FAF1: variants seen among roughly 807,000 people sequenced by gnomAD.
FAF1 encodes FAS-associated factor 1.
A neutral mutation model predicts 92.5 loss-of-function variants in FAF1; 25 were observed. That is an observed-to-expected ratio of 0.27 (90% confidence interval 0.20 to 0.38). The LOEUF is 0.38. FAF1 is among the 10% of genes least tolerant of loss of function. FAF1 has a pLI of 1.00. For synonymous variants in FAF1, 234 were observed against 273.2 expected (o/e 0.86, Z 1.42); for missense variants, 636 against 793.3 (o/e 0.80, Z 2.38).
chr1:50,941,313 G>A (rs1456797906), intron 1 of FAF1, among the ~76,000 whole-genome samples: 3 of 152,222 alleles, frequency 2.0e-5, no homozygotes, highest in East Asian at 3.9e-4. Flanking sequence ...GGGTTCAAGC[G>A]ATTCTCGTGT....
At chr1:50,728,198 G>C (rs1658742080) in intron 6 of FAF1, among the ~76,000 whole-genome samples, 1 of 152,046 alleles carries the variant, frequency 6.6e-6, no homozygotes. Flanking sequence ...TTTAGATAGG[G>C]GCATCAAGAA....
At chr1:50,947,124 C>T (rs1207761714) in intron 1 of FAF1, among the ~76,000 whole-genome samples, 1 of 152,226 alleles carries the variant, frequency 6.6e-6, no homozygotes, top group East Asian at 1.9e-4. Flanking sequence ...ACTGCTATTA[C>T]TCTTTCCCTA....
At chr1:50,496,076 A>G (rs1646894826) in intron 15 of FAF1, among the ~76,000 whole-genome samples, 2 of 152,248 alleles carry the variant, frequency 1.3e-5, no homozygotes, top group Admixed American at 1.3e-4. Context: ...GTAATTTATG[A>G]CACCCTCAGT....
chr1:50,718,303 C>T (rs1658272936), intron 6 of FAF1, among the ~76,000 whole-genome samples: 1 of 152,206 alleles, frequency 6.6e-6, no homozygotes, highest in Non-Finnish European at 1.5e-5. Flanking sequence ...GTTGGGATTA[C>T]AGGCATGAGG....
intron 1 of FAF1, among the ~76,000 whole-genome samples, chr1:50,934,683 C>T (rs1645072880): frequency 6.6e-6 from 1 of 152,296 alleles, no homozygotes; most frequent in African/African-American, 2.4e-5. Context: ...ATGTTCACAC[C>T]ACTGCACTCC....
chr1:50,942,051 T>C (rs1349703191), intron 1 of FAF1, among the ~76,000 whole-genome samples: 1 of 152,238 alleles, frequency 6.6e-6, no homozygotes, highest in East Asian at 1.9e-4. Flanking sequence ...CCCACCCTTG[T>C]TACTATCTGT....
chr1:50,572,363 C>T (rs1178886966), intron 12 of FAF1, among the ~76,000 whole-genome samples: 2 of 152,226 alleles, frequency 1.3e-5, no homozygotes, highest in East Asian at 1.9e-4. Context: ...TTATATCACA[C>T]CTAAGACATT....
At chr1:50,574,994 C>T (rs1403441150) in intron 12 of FAF1, among the ~76,000 whole-genome samples, 1 of 148,480 alleles carries the variant, frequency 6.7e-6, no homozygotes. Flanking sequence ...CTGCAAGCTC[C>T]GCCTCCTGGG....
intron 13 of FAF1, among the ~76,000 whole-genome samples, chr1:50,554,447 G>A (rs1649472732): frequency 7.0e-6 from 1 of 142,048 alleles, no homozygotes; most frequent in African/African-American, 2.7e-5. Flanking sequence ...ATAGTGTCTG[G>A]CACTATAATT....
chr1:50,757,659 T>C (rs1248385910), intron 4 of FAF1, among the ~76,000 whole-genome samples: 1 of 152,200 alleles, frequency 6.6e-6, no homozygotes. Context: ...GCAGGTTTCC[T>C]GTATATATCA....
intron 1 of FAF1, among the ~76,000 whole-genome samples, chr1:50,903,138 A>G (rs1401890731): frequency 6.6e-6 from 1 of 152,160 alleles, no homozygotes; most frequent in Non-Finnish European, 1.5e-5. Flanking sequence ...CCCAGTGCAC[A>G]ACACAGATAC....
chr1:50,602,832 T>C (rs10157906), intron 8 of FAF1, among the ~76,000 whole-genome samples: 4,668 of 152,220 alleles, frequency 0.031, 250 homozygotes, highest in African/African-American at 0.11. Flanking sequence ...TATATATACA[T>C]ACACCCATGA....
chr1:50,481,070 AAG>A (rs1342687968), intron 17 of FAF1, among the ~76,000 whole-genome samples: 1 of 152,206 alleles, frequency 6.6e-6, no homozygotes, highest in Non-Finnish European at 1.5e-5. Flanking sequence ...GATATAAAGA[AAG>A]AAAAATTTTG....
chr1:50,931,712 A>G (rs779424311), intron 1 of FAF1, among the ~76,000 whole-genome samples: 57 of 151,738 alleles, frequency 3.8e-4, no homozygotes, highest in Non-Finnish European at 7.5e-4. Flanking sequence ...CTAAAAATAC[A>G]ACAACAACAA....
chr1:50,882,803 T>TG (rs1644624591), intron 1 of FAF1, among the ~76,000 whole-genome samples: 2 of 151,682 alleles, frequency 1.3e-5, no homozygotes, highest in South Asian at 2.1e-4. Flanking sequence ...GTGGCCAACA[T>TG]GGTGAAACCC....
intron 9 of FAF1, among the ~76,000 whole-genome samples, chr1:50,586,202 G>A (rs1651224956): frequency 6.6e-6 from 1 of 152,102 alleles, no homozygotes; most frequent in Non-Finnish European, 1.5e-5. Flanking sequence ...CCTCCCCTAG[G>A]CCCAAACAAA....
intron 1 of FAF1, among the ~76,000 whole-genome samples, chr1:50,884,198 T>C (rs1207737313): frequency 6.6e-6 from 1 of 150,952 alleles, no homozygotes; most frequent in African/African-American, 2.4e-5. Context: ...TACATAGAAA[T>C]AAAACACATG....
chr1:50,876,768 G>C (rs1644575264), intron 1 of FAF1, among the ~76,000 whole-genome samples: 2 of 152,256 alleles, frequency 1.3e-5, no homozygotes, highest in Non-Finnish European at 2.9e-5. Context: ...ATTTTTAGTA[G>C]AGATGGGGTT....
chr1:50,669,419 T>G (rs1315235254), intron 7 of FAF1, among the ~76,000 whole-genome samples: 1 of 152,200 alleles, frequency 6.6e-6, no homozygotes, highest in African/African-American at 2.4e-5. Flanking sequence ...TGTGTTGTCT[T>G]AAAAATGAAT....
Sources: gnomAD v4.1 joint callset for allele counts (sites outside exome capture counted in the v4.1 genomes callset) on GRCh38, gnomAD v4.1.1 for gene constraint, MANE v1.5 for transcripts, NCBI Gene and HGNC (gene_info 2026-07-23, HGNC 2026-07-21) for gene names.